Variants in FRMD4A observed in about 807,000 individuals in gnomAD.
FRMD4A encodes FERM domain-containing protein 4A.
A neutral mutation model predicts 129.1 loss-of-function variants in FRMD4A; 29 were observed. The ratio of observed to expected loss-of-function variants is 0.22; its 90% CI spans 0.17 to 0.31. The LOEUF (loss-of-function observed/expected upper bound fraction) is 0.31. Among genes scored for constraint, FRMD4A ranks in the 10% least tolerant of loss-of-function variants. The pLI, the probability that FRMD4A is intolerant of heterozygous loss-of-function variation, is 1.00. For synonymous variants in FRMD4A, 634 were observed against 571.6 expected (o/e 1.11, Z -1.56); for missense variants, 1,272 against 1,375.8 (o/e 0.92, Z 1.19).
At chr10:13,870,594 C>A (rs2094428286) in intron 2 of FRMD4A, among the ~76,000 whole-genome samples, 1 of 152,206 alleles carries the variant, frequency 6.6e-6, no homozygotes, top group Non-Finnish European at 1.5e-5. Flanking sequence ...TGATTACTGG[C>A]TTGAGAGAAA....
chr10:13,654,370 C>T (rs546911681), intron 23 of FRMD4A, 46 bp downstream of exon 23: 3 of 1,188,748 alleles, frequency 2.5e-6, no homozygotes, highest in African/African-American at 3.1e-5. Flanking sequence ...ACGTCTATGA[C>T]ACTCTTTCGA....
At chr10:14,229,473 A>G (rs1053654329) in intron 2 of FRMD4A, among the ~76,000 whole-genome samples, 1 of 152,212 alleles carries the variant, frequency 6.6e-6, no homozygotes, top group South Asian at 2.1e-4. Flanking sequence ...CTCTTACAAA[A>G]TAAATTATGT....
intron 2 of FRMD4A, among the ~76,000 whole-genome samples, chr10:13,989,729 T>C (rs772622046): frequency 6.6e-6 from 1 of 152,136 alleles, no homozygotes; most frequent in African/African-American, 2.4e-5. Context: ...CTATTGATGA[T>C]GAGAGGAAGA....
intron 2 of FRMD4A, among the ~76,000 whole-genome samples, chr10:14,163,368 C>T (rs1460159898): frequency 6.6e-6 from 1 of 152,172 alleles, no homozygotes; most frequent in Non-Finnish European, 1.5e-5. Context: ...CTTTGAATAT[C>T]AATGTAGAGT....
intron 3 of FRMD4A, among the ~76,000 whole-genome samples, chr10:13,831,111 C>G (rs2093783708): frequency 6.6e-6 from 1 of 152,162 alleles, no homozygotes; most frequent in Non-Finnish European, 1.5e-5. Context: ...TTAGAAATCA[C>G]TCCAGACCTG....
chr10:14,162,290 G>A (rs1175207534), intron 2 of FRMD4A, among the ~76,000 whole-genome samples: 1 of 152,168 alleles, frequency 6.6e-6, no homozygotes, highest in East Asian at 1.9e-4. Context: ...CCATAAAGCT[G>A]GGATGTGTCT....
At chr10:14,004,355 C>T (rs998654564) in intron 2 of FRMD4A, among the ~76,000 whole-genome samples, 1 of 152,102 alleles carries the variant, frequency 6.6e-6, no homozygotes, top group African/African-American at 2.4e-5. Context: ...CCAGCCTGGC[C>T]AACATGGTGA....
intron 2 of FRMD4A, among the ~76,000 whole-genome samples, chr10:14,323,295 T>C (rs562347885): frequency 6.6e-6 from 1 of 152,240 alleles, no homozygotes; most frequent in Admixed American, 6.5e-5. Context: ...GTATATACTG[T>C]GCTATTTGCT....
intron 2 of FRMD4A, among the ~76,000 whole-genome samples, chr10:14,037,062 T>G (rs746021635): frequency 6.6e-6 from 1 of 152,228 alleles, no homozygotes; most frequent in Non-Finnish European, 1.5e-5. Context: ...CAGTTCTCAC[T>G]AGTGGCAACC....
At chr10:13,875,792 T>G (rs747829306) in intron 2 of FRMD4A, among the ~76,000 whole-genome samples, 1 of 152,158 alleles carries the variant, frequency 6.6e-6, no homozygotes, top group Non-Finnish European at 1.5e-5. Context: ...AGCGTGACCA[T>G]ACAACCTACT....
chr10:14,131,218 C>G (rs1284728512), intron 2 of FRMD4A, among the ~76,000 whole-genome samples: 1 of 152,186 alleles, frequency 6.6e-6, no homozygotes, highest in Non-Finnish European at 1.5e-5. Flanking sequence ...CAAATCTCTC[C>G]TCTAACGACA....
intron 2 of FRMD4A, among the ~76,000 whole-genome samples, chr10:14,075,567 A>C (rs1266306655): frequency 6.6e-6 from 1 of 152,244 alleles, no homozygotes; most frequent in African/African-American, 2.4e-5. Flanking sequence ...TCTTTAGCCT[A>C]ACCTGAGCTG....
chr10:13,777,448 A>C (rs1025282804), intron 6 of FRMD4A, among the ~76,000 whole-genome samples: 1 of 152,216 alleles, frequency 6.6e-6, no homozygotes, highest in African/African-American at 2.4e-5. Context: ...AACTTGAAAG[A>C]TGCTGTCCCT....
intron 2 of FRMD4A, among the ~76,000 whole-genome samples, chr10:14,146,289 G>A (rs559797172): frequency 6.6e-6 from 1 of 152,272 alleles, no homozygotes; most frequent in Admixed American, 6.5e-5. Flanking sequence ...AATGTTACAG[G>A]GAAAAAGTGA....
chr10:14,123,109 A>G (rs1294650881), intron 2 of FRMD4A, among the ~76,000 whole-genome samples: 1 of 69,136 alleles, frequency 1.4e-5, no homozygotes, highest in Non-Finnish European at 3.0e-5. Context: ...CTTTTAAACT[A>G]TTTGCAAAAA....
At chr10:14,272,080 C>G (rs917816616) in intron 2 of FRMD4A, among the ~76,000 whole-genome samples, 2 of 152,146 alleles carry the variant, frequency 1.3e-5, no homozygotes, top group African/African-American at 4.8e-5. Context: ...ATAGGCCATA[C>G]AGCAGCATGA....
chr10:13,797,546 G>A (rs1433033978), intron 4 of FRMD4A, among the ~76,000 whole-genome samples: 2 of 152,158 alleles, frequency 1.3e-5, no homozygotes, highest in Non-Finnish European at 1.5e-5. Flanking sequence ...GCCATGTCTC[G>A]GAGGCTGGTC....
chr10:14,222,499 G>A (rs1843295284), intron 2 of FRMD4A, among the ~76,000 whole-genome samples: 1 of 152,158 alleles, frequency 6.6e-6, no homozygotes. Context: ...GAGTGAGAGA[G>A]AGAGAGAAAT....
intron 2 of FRMD4A, 87 bp from the exon 3 acceptor site, chr10:13,858,999 A>T: frequency 1.2e-6 from 1 of 824,194 alleles, no homozygotes; most frequent in Admixed American, 1.7e-5. Flanking sequence ...TCTGCCAGGC[A>T]TATTCCTCTG....
Sources: allele counts gnomAD v4.1 joint callset (sites outside exome capture counted in the v4.1 genomes callset), GRCh38; gene constraint gnomAD v4.1.1; transcripts MANE v1.5; gene names NCBI Gene and HGNC (gene_info 2026-07-23, HGNC 2026-07-21).